The following OR5AU1 variants were observed in gnomAD, a reference collection of about 807,000 sequenced individuals.
The protein encoded by OR5AU1 is olfactory receptor 5AU1.
For synonymous variants in OR5AU1, 169 were observed against 152.0 expected (o/e 1.11, Z -0.82); for missense variants, 415 against 374.2 (o/e 1.11, Z -0.90).
rs757181089 is a variant in OR5AU1 at position 21,155,170 on chromosome 14, A to C, written c.703T>G (p.Phe235Val). Residue 235 changes from phenylalanine (F) to valine (V), a missense_variant, in exon 1 of 1, where the codon TTT (phenylalanine) becomes GTT (valine). By Grantham distance (50) the Phe-to-Val change is conservative. Coordinates refer to ENST00000304418, the MANE Select transcript of OR5AU1 (RefSeq NM_001004731.3). ...ILKMSSAQGR[F>V]KAFSTCASHL... ...GATGCACAGGTGGAAAATGCCTTAA[A>C]CCTGCCCTGGGCCGAGCTCATTTTC... 10 of 1,614,072 alleles carry C rather than the reference A, an allele frequency of 6.2e-6. No homozygotes were observed. Among genetic ancestry groups the C allele is most frequent in the Non-Finnish European group, 8.5e-6 (10 of 1,180,016 alleles).
In OR5AU1 at chr14:21,155,011, G is replaced by C. The variant is rs138179143; in HGVS notation, c.862C>G (p.Leu288Val). ...TCCTTGTTTCTCAAAGAGTACATGA[G>C]GGGGTTCAGCACTGGGATCACCACT... ...YTVVIPVLNP[L>V]MYSLRNKDVK... Residue 288 changes from leucine to valine, a missense_variant, in exon 1 of 1, where the codon CTC becomes GTC. Transcript: ENST00000304418. 6.2e-7 allele frequency: 1 copy of C among 1,614,096 alleles called. No homozygotes were observed. The highest frequency in any genetic ancestry group is 1.1e-5 in the South Asian group (1 of 91,084).
rs775498204 is a variant in OR5AU1 at position 21,155,828 on chromosome 14, C to G, written c.45G>C (p.Leu15Phe). ...GGAGCTGGGGGTCAGTGGTGAGGCCCAAGAGCTCAAACTCCATCCCTTGGC... is the reference window on the plus strand; with the variant it reads ...GGAGCTGGGGGTCAGTGGTGAGGCCGAAGAGCTCAAACTCCATCCCTTGGC... ...NLSQGMEFEL[L>F]GLTTDPQLQR... Residue 15 changes from leucine to phenylalanine, a missense_variant, in exon 1 of 1, where the codon TTG (leucine) becomes TTC (phenylalanine). Physicochemically the swap from Leu to Phe is conservative, Grantham distance 22. Coordinates refer to ENST00000304418, the MANE Select transcript of OR5AU1 (RefSeq NM_001004731.3). The G allele has an allele frequency of 6.2e-7, 1 of 1,614,146 alleles. No homozygotes were observed.
rs1455589792 is a variant in OR5AU1 at position 21,155,826 on chromosome 14, C to T, written c.47G>A (p.Gly16Asp). 5.6e-6 allele frequency: 9 copies of T among 1,613,976 alleles called. No individual in the cohort carries two copies. The East Asian group carries it at 1.8e-4, about 32-fold the overall frequency. Residue 16 changes from glycine (G) to aspartate (D), a missense_variant, in exon 1 of 1, where the codon GGC becomes GAC. Physicochemically the swap from Gly to Asp is moderately conservative, Grantham distance 94. Transcript: ENST00000304418. Reference sequence around the variant, plus strand: ...CTGGAGCTGGGGGTCAGTGGTGAGGCCCAAGAGCTCAAACTCCATCCCTTG... The same window carrying T: ...CTGGAGCTGGGGGTCAGTGGTGAGGTCCAAGAGCTCAAACTCCATCCCTTG... The part of the protein sequence containing the change: ...LSQGMEFELL[G>D]LTTDPQLQRL...
Position 21,154,917 on chromosome 14 carries a change from T to C in OR5AU1, c.*20A>G, listed in dbSNP as rs779566038. 3 of 1,591,148 alleles carry C rather than the reference T, an allele frequency of 1.9e-6. No individual in the cohort carries two copies. The highest frequency in any genetic ancestry group is 1.7e-4 in the Middle Eastern group (1 of 5,956). ...AAGTTCCCTTGACTTTCTAAAGATA[T>C]GTGGTAATGCATTGAGAAATCATTC... On this transcript the variant is annotated 3_prime_UTR_variant, in exon 1 of 1. Coordinates refer to ENST00000304418, the MANE Select transcript of OR5AU1 (RefSeq NM_001004731.3).
In OR5AU1 at chr14:21,155,579, C is replaced by A. The variant is rs1281885954; in HGVS notation, c.294G>T (p.Met98Ile). The part of the protein sequence containing the change: ...KRKVISYFGC[M>I]TQMFFYAGFA... ...AACCCGCATAGAAGAACATCTGAGTCATGCAGCCAAAATAAGAGATCACTT... is the reference window on the plus strand; with the variant it reads ...AACCCGCATAGAAGAACATCTGAGTAATGCAGCCAAAATAAGAGATCACTT... The change falls in exon 1 of 1, where the codon ATG (methionine) becomes ATT (isoleucine). Residue 98 changes from methionine (M) to isoleucine (I), a missense_variant. Transcript: ENST00000304418. The A allele has an allele frequency of 1.9e-6, 3 of 1,614,176 alleles. No individual in the cohort carries two copies.
Position 21,154,970 on chromosome 14 carries a change from T to C in OR5AU1, c.903A>G (p.Leu301=), listed in dbSNP as rs1220493871. 6.2e-7 allele frequency: 1 copy of C among 1,611,682 alleles called. No individual in the cohort carries two copies. The highest frequency in any genetic ancestry group is 8.5e-7 in the Non-Finnish European group (1 of 1,178,132). ...SLRNKDVKKA[L]IKVWGRKTME ...TTGTTTTCCTACCCCAAACCTTTAT[T>C]AAAGCTTTCTTCACATCCTTGTTTC... is the stretch of plus-strand genomic sequence containing the variant. Residue 301 remains leucine (L), a synonymous_variant, in exon 1 of 1, where the codon TTA becomes TTG. Coordinates refer to ENST00000304418, the MANE Select transcript of OR5AU1 (RefSeq NM_001004731.3).
rs79868143 is a variant in OR5AU1, at chr14:21,155,770, A to T, written c.103T>A (p.Tyr35Asn). Residue 35 changes from tyrosine to asparagine, a missense_variant, in exon 1 of 1, where the codon TAC (tyrosine) becomes AAC (asparagine). By Grantham distance (143) the Tyr-to-Asn change is moderately radical (BLOSUM62 -2). Transcript: ENST00000304418. ...RLLFVVFLGM[Y>N]TATLLGNLVM... The stretch of plus-strand genomic sequence containing the variant: ...AGGTTCCCCAGCAGAGTGGCTGTGT[A>T]CATGCCCAGGAACACCACGAAGAGC... 6.2e-7 allele frequency: 1 copy of T among 1,614,140 alleles called. No homozygotes were observed. Among genetic ancestry groups the T allele is most frequent in the Non-Finnish European group, 8.5e-7 (1 of 1,180,026 alleles).
Position 21,155,788 on chromosome 14 carries a change from C to T in OR5AU1, c.85G>A (p.Val29Met), listed in dbSNP as rs17102042. The change falls in exon 1 of 1, where the codon GTG (valine) becomes ATG (methionine). Residue 29 changes from valine (V) to methionine (M), a missense_variant. Coordinates refer to ENST00000304418, the MANE Select transcript of OR5AU1 (RefSeq NM_001004731.3). ...TDPQLQRLLF[V>M]VFLGMYTATL... ...GCTGTGTACATGCCCAGGAACACCA[C>T]GAAGAGCAGCCTCTGGAGCTGGGGG... 2.0e-3 allele frequency: 3,304 copies of T among 1,614,054 alleles called. 75 individuals are homozygous for T. In the African/African-American group the frequency reaches 0.039, roughly 19 times the overall value.
chr14:21,155,002 A>G lies in OR5AU1; in HGVS notation c.871T>C (p.Ser291Pro). The stretch of plus-strand genomic sequence containing the variant: ...TTCTTCACATCCTTGTTTCTCAAAG[A>G]GTACATGAGGGGGTTCAGCACTGGG... ...VIPVLNPLMY[S>P]LRNKDVKKAL... Residue 291 changes from serine to proline, a missense_variant, in exon 1 of 1, where the codon TCT becomes CCT. Coordinates refer to ENST00000304418, the MANE Select transcript of OR5AU1 (RefSeq NM_001004731.3). 2 of 1,613,932 alleles carry G rather than the reference A, an allele frequency of 1.2e-6. No individual in the cohort carries two copies. The highest frequency in any genetic ancestry group is 1.7e-6 in the Non-Finnish European group (2 of 1,179,802).
In OR5AU1 at chr14:21,155,312, C is replaced by T; in HGVS notation, c.561G>A (p.Leu187=). Residue 187 remains leucine, a synonymous_variant, in exon 1 of 1, where the codon TTG becomes TTA. Transcript: ENST00000304418. The stretch of plus-strand genomic sequence containing the variant: ...CACACAGTGAGGTGTCTACACAAGA[C>T]AAGGACAGGATGGGTGGCCCATCAC... ...FFCDGPPILS[L]SCVDTSLCEI... is the part of the protein sequence containing the mutation. The T allele has an allele frequency of 6.2e-7, 1 of 1,613,994 alleles. No individual in the cohort carries two copies. Among genetic ancestry groups the T allele is most frequent in the Non-Finnish European group, 8.5e-7 (1 of 1,179,994 alleles).
Position 21,155,132 on chromosome 14 carries a change from G to GTCT in OR5AU1, c.740_741insAGA (p.Ala247_Ile248insAsp), listed in dbSNP as rs770190761. 6.2e-7 allele frequency: 1 copy of GTCT among 1,613,914 alleles called. No individual in the cohort carries two copies. Among genetic ancestry groups the GTCT allele is most frequent in the African/African-American group, 1.3e-5 (1 of 74,908 alleles). On this transcript the variant is annotated inframe_insertion, in exon 1 of 1. Coordinates refer to ENST00000304418, the MANE Select transcript of OR5AU1 (RefSeq NM_001004731.3). ...GTGTTGTGCCAAAGAAGAGGCAGAT[G>GTCT]GCAGTGAGGTGGGATGCACAGGTGG...
At position 21,155,414 on chromosome 14, in the gene OR5AU1, G is replaced by T. The variant is rs1479427763; in HGVS notation, c.459C>A (p.Phe153Leu). Residue 153 changes from phenylalanine (F) to leucine (L), a missense_variant, in exon 1 of 1, where the codon TTC (phenylalanine) becomes TTA (leucine). Transcript: ENST00000304418. ...SLIVGSYSAG[F>L]LNSLIHTGCI... is the part of the protein sequence containing the mutation. ...AGCCAGTGTGGATAAGAGAATTGAG[G>T]AATCCTGCACTGTAGGAGCCCACAA... The T allele has an allele frequency of 6.2e-7, 1 of 1,614,096 alleles. No individual in the cohort carries two copies. The highest frequency in any genetic ancestry group is 2.2e-5 in the East Asian group (1 of 44,862).
Position 21,155,576 on chromosome 14 carries a change from A to G in OR5AU1, c.297T>C (p.Thr99=). Residue 99 remains threonine, a synonymous_variant, in exon 1 of 1, where the codon ACT becomes ACC. Transcript: ENST00000304418. The stretch of plus-strand genomic sequence containing the variant: ...CAAAACCCGCATAGAAGAACATCTG[A>G]GTCATGCAGCCAAAATAAGAGATCA... ...RKVISYFGCM[T]QMFFYAGFAT... 1.2e-6 allele frequency: 2 copies of G among 1,614,196 alleles called. No homozygotes were observed. Among genetic ancestry groups the G allele is most frequent in the Non-Finnish European group, 1.7e-6 (2 of 1,180,024 alleles).
In OR5AU1 at chr14:21,155,112, G is replaced by A. The variant is rs1890547746; in HGVS notation, c.761C>T (p.Thr254Ile). The A allele has an allele frequency of 2.5e-6, 4 of 1,614,028 alleles. No homozygotes were observed. In the South Asian group the frequency reaches 4.4e-5, roughly 18 times the overall value. Residue 254 changes from threonine to isoleucine, a missense_variant, in exon 1 of 1, where the codon ACA (threonine) becomes ATA (isoleucine). Thr to Ile is a moderately conservative substitution (Grantham distance 89). Coordinates refer to ENST00000304418, the MANE Select transcript of OR5AU1 (RefSeq NM_001004731.3). ...HLTAICLFFG[T>I]TLFMYLRPRS... ...GGGGCGCAGGTACATAAAAAGTGTT[G>A]TGCCAAAGAAGAGGCAGATGGCAGT...
rs779842707 is a variant in OR5AU1 at position 21,155,298 on chromosome 14, G to A, written c.575C>T (p.Thr192Ile). 70 of 1,613,950 alleles carry A rather than the reference G, an allele frequency of 4.3e-5. No individual in the cohort carries two copies. Among genetic ancestry groups the A allele is most frequent in the South Asian group, 3.7e-4 (34 of 91,074 alleles). Residue 192 changes from threonine to isoleucine, a missense_variant, in exon 1 of 1, where the codon ACC (threonine) becomes ATC (isoleucine). Thr to Ile is a moderately conservative substitution (Grantham distance 89). Transcript: ENST00000304418. ...PPILSLSCVD[T>I]SLCEILLFIF... ...GAAGAGCAGGATCTCACACAGTGAG[G>A]TGTCTACACAAGACAAGGACAGGAT... is the stretch of plus-strand genomic sequence containing the variant.
Position 21,155,183 on chromosome 14 carries a change from C to A in OR5AU1, c.690G>T (p.Ser230=). The A allele has an allele frequency of 1.2e-6, 2 of 1,613,984 alleles. No homozygotes were observed. Among genetic ancestry groups the A allele is most frequent in the Non-Finnish European group, 1.7e-6 (2 of 1,179,978 alleles). The part of the protein sequence containing the change: ...LILNTILKMS[S]AQGRFKAFST... ...AAAATGCCTTAAACCTGCCCTGGGC[C>A]GAGCTCATTTTCAGGATGGTGTTGA... is the stretch of plus-strand genomic sequence containing the variant. Residue 230 remains serine, a synonymous_variant, in exon 1 of 1, where the codon TCG becomes TCT. Coordinates refer to ENST00000304418, the MANE Select transcript of OR5AU1 (RefSeq NM_001004731.3).
At position 21,155,803 on chromosome 14, in the gene OR5AU1, G is replaced by A. The variant is rs1356138648; in HGVS notation, c.70C>T (p.Gln24Ter). The change falls in exon 1 of 1, where the codon CAG becomes TAG. Residue 24 changes from glutamine to a stop codon, truncating the protein, a stop_gained. Coordinates refer to ENST00000304418, the MANE Select transcript of OR5AU1 (RefSeq NM_001004731.3). LOFTEE classifies it low-confidence loss of function (END_TRUNC). ...LLGLTTDPQLQRLLFVVFLGM... is the reference protein window; with the variant it reads ...LLGLTTDPQL ...AGGAACACCACGAAGAGCAGCCTCT[G>A]GAGCTGGGGGTCAGTGGTGAGGCCC... The A allele has an allele frequency of 3.7e-6, 6 of 1,614,150 alleles. No homozygotes were observed. The highest frequency in any genetic ancestry group is 2.2e-5 in the South Asian group (2 of 91,082).
Position 21,155,673 on chromosome 14 carries a change from G to C in OR5AU1, c.200C>G (p.Ser67Cys). The C allele has an allele frequency of 1.2e-6, 2 of 1,614,142 alleles. No homozygotes were observed. Among genetic ancestry groups the C allele is most frequent in the Non-Finnish European group, 1.7e-6 (2 of 1,180,016 alleles). The change falls in exon 1 of 1, where the codon TCC becomes TGC. Residue 67 changes from serine to cysteine, a missense_variant. Coordinates refer to ENST00000304418, the MANE Select transcript of OR5AU1 (RefSeq NM_001004731.3). ...GGAGGAGTAGCAGAAATCCAAGAAG[G>C]AGAGGCTCTTCAGGAGGGAGTACAT... is the stretch of plus-strand genomic sequence containing the variant. ...TPMYSLLKSL[S>C]FLDFCYSSTV...
In OR5AU1 at chr14:21,155,280, A is replaced by C. The variant is rs1244357406; in HGVS notation, c.593T>G (p.Leu198Arg). The C allele has an allele frequency of 1.2e-6, 2 of 1,614,028 alleles. No homozygotes were observed. Among genetic ancestry groups the C allele is most frequent in the Non-Finnish European group, 1.7e-6 (2 of 1,179,992 alleles). The change falls in exon 1 of 1, where the codon CTG (leucine) becomes CGG (arginine). Residue 198 changes from leucine to arginine, a missense_variant. Physicochemically the swap from Leu to Arg is moderately radical, Grantham distance 102 (BLOSUM62 -2). Transcript: ENST00000304418. ...GTTGAAACCAGCAAAAATGAAGAGC[A>C]GGATCTCACACAGTGAGGTGTCTAC... Reference protein sequence around the residue: ...SCVDTSLCEILLFIFAGFNLL... With the variant: ...SCVDTSLCEIRLFIFAGFNLL...
Sources: allele counts gnomAD v4.1 joint callset, GRCh38; gene constraint gnomAD v4.1.1; transcripts MANE v1.5; gene names NCBI Gene and HGNC (gene_info 2026-07-23, HGNC 2026-07-21).